The following ZNF438 variants were observed in gnomAD, a reference collection of about 807,000 sequenced individuals.
The protein encoded by ZNF438 is zinc finger protein 438.
ZNF438 carries 25 observed loss-of-function variants against 38.0 expected under a neutral mutation model. That is an observed-to-expected ratio of 0.66 (90% CI 0.48 to 0.92). ZNF438 has a LOEUF of 0.92. Ranked by LOEUF, ZNF438 falls within the 40% of genes least tolerant of loss-of-function variation. The pLI is 0.00. For synonymous variants in ZNF438, 372 were observed against 364.1 expected, an observed-to-expected ratio of 1.02 and a Z score of -0.25; for missense variants, 1,007 against 999.6, an observed-to-expected ratio of 1.01 and a Z score of -0.10.
chr10:30,912,896 C>T (rs2043224173), intron 2 of ZNF438, among the ~76,000 whole-genome samples: 1 of 152,216 alleles, frequency 6.6e-6, no homozygotes, highest in South Asian at 2.1e-4. Context: ...GGAATTCCCT[C>T]GCTGTCTAAA....
At chr10:30,923,424 A>G (rs1012449427) in intron 2 of ZNF438, 3 of 152,180 alleles carry the variant, frequency 2.0e-5, no homozygotes, top group African/African-American at 7.2e-5. Context: ...TTCTAAATGC[A>G]TAATTTTAGA....
intron 1 of ZNF438, among the ~76,000 whole-genome samples, chr10:31,024,553 G>A (rs1369765100): frequency 2.6e-5 from 4 of 152,252 alleles, no homozygotes; most frequent in Middle Eastern, 3.4e-3. Context: ...GCGTGAACCC[G>A]GGAGGCGGAG....
intron 2 of ZNF438, among the ~76,000 whole-genome samples, chr10:30,916,383 A>C (rs1307122226): frequency 6.6e-6 from 1 of 152,102 alleles, no homozygotes; most frequent in East Asian, 1.9e-4. Flanking sequence ...CAAATGTGCA[A>C]GTTATAAATA....
intron 1 of ZNF438, among the ~76,000 whole-genome samples, chr10:30,948,286 C>T (rs567644425): frequency 1.3e-5 from 2 of 152,074 alleles, no homozygotes; most frequent in Non-Finnish European, 2.9e-5. Context: ...TAGATAAAAC[C>T]ACAAAGATGG....
At chr10:30,895,048 A>T (rs958437367) in intron 3 of ZNF438, among the ~76,000 whole-genome samples, 3 of 152,262 alleles carry the variant, frequency 2.0e-5, no homozygotes, top group African/African-American at 7.2e-5. Context: ...ATTAACACAT[A>T]GGAAAGATGA....
At chr10:30,965,503 G>C (rs966429322) in intron 1 of ZNF438, among the ~76,000 whole-genome samples, 28 of 152,110 alleles carry the variant, frequency 1.8e-4, no homozygotes, top group Non-Finnish European at 3.8e-4. Flanking sequence ...ATGTACAATA[G>C]CAAAGACATG....
At chr10:30,929,721 A>T (rs2135234126) in intron 2 of ZNF438, among the ~76,000 whole-genome samples, 1 of 152,258 alleles carries the variant, frequency 6.6e-6, no homozygotes, top group South Asian at 2.1e-4. Context: ...CAGGGTGCTG[A>T]TTGGTGTGTT....
chr10:31,015,906 T>C (rs2056156404), intron 1 of ZNF438, among the ~76,000 whole-genome samples: 2 of 152,174 alleles, frequency 1.3e-5, no homozygotes, highest in South Asian at 2.1e-4. Context: ...CCTCTCCTTA[T>C]AGGGGCACCA....
At chr10:30,975,752 A>G (rs2051267572) in intron 1 of ZNF438, among the ~76,000 whole-genome samples, 1 of 152,228 alleles carries the variant, frequency 6.6e-6, no homozygotes, top group African/African-American at 2.4e-5. Context: ...AATAAGTAAT[A>G]GGATATCAGA....
intron 4 of ZNF438, among the ~76,000 whole-genome samples, chr10:30,868,768 T>A (rs1156248212): frequency 6.6e-6 from 1 of 152,238 alleles, no homozygotes; most frequent in Non-Finnish European, 1.5e-5. Flanking sequence ...GATGTTTCCA[T>A]CCTTGTGTTC....
chr10:30,896,295 CA>C (rs56673889), intron 3 of ZNF438, among the ~76,000 whole-genome samples: 27 of 107,056 alleles, frequency 2.5e-4, no homozygotes, highest in East Asian at 8.9e-4. Flanking sequence ...GACTCCATCT[CA>C]AAAAAAAAAA....
intron 2 of ZNF438, among the ~76,000 whole-genome samples, chr10:30,913,243 T>C (rs2043258542): frequency 6.6e-6 from 1 of 152,064 alleles, no homozygotes; most frequent in Non-Finnish European, 1.5e-5. Flanking sequence ...TTATTAAATA[T>C]GACCTAAAAA....
At chr10:30,921,896 C>G (rs1227481505) in intron 2 of ZNF438, among the ~76,000 whole-genome samples, 1 of 152,210 alleles carries the variant, frequency 6.6e-6, no homozygotes, top group African/African-American at 2.4e-5. Context: ...TCTCTTCTCA[C>G]TTCACAAAAG....
chr10:30,924,520 G>A (rs1261523251), intron 2 of ZNF438, among the ~76,000 whole-genome samples: 1 of 152,160 alleles, frequency 6.6e-6, no homozygotes, highest in Non-Finnish European at 1.5e-5. Flanking sequence ...CCTGAGAAAG[G>A]AACTCAGATA....
chr10:30,897,950 A>G (rs1325813116), intron 3 of ZNF438, among the ~76,000 whole-genome samples: 8 of 152,324 alleles, frequency 5.3e-5, no homozygotes, highest in Non-Finnish European at 1.0e-4. Flanking sequence ...CAAATGGGAA[A>G]TCTGTTACCA....
chr10:30,884,112 T>C (rs1235650258), intron 3 of ZNF438, among the ~76,000 whole-genome samples: 1 of 150,772 alleles, frequency 6.6e-6, no homozygotes, highest in African/African-American at 2.5e-5. Flanking sequence ...TTCATTGTTT[T>C]GAAATACTAT....
At chr10:30,882,657 A>T (rs2039422042) in intron 3 of ZNF438, among the ~76,000 whole-genome samples, 1 of 152,218 alleles carries the variant, frequency 6.6e-6, no homozygotes, top group Admixed American at 6.5e-5. Flanking sequence ...CAGAAAGCAG[A>T]TCAATGGTTG....
intron 1 of ZNF438, among the ~76,000 whole-genome samples, chr10:31,017,341 C>T (rs188742987): frequency 3.3e-5 from 5 of 152,306 alleles, no homozygotes; most frequent in African/African-American, 1.2e-4. Flanking sequence ...ATGAAACAAA[C>T]TTGGAAGAGT....
At chr10:30,884,283 A>G (rs909341018) in intron 3 of ZNF438, among the ~76,000 whole-genome samples, 1 of 152,180 alleles carries the variant, frequency 6.6e-6, no homozygotes, top group African/African-American at 2.4e-5. Flanking sequence ...AATAAGTTAT[A>G]TAATAAATAT....
Sources: gnomAD v4.1 joint callset for allele counts (sites outside exome capture counted in the v4.1 genomes callset) on GRCh38, gnomAD v4.1.1 for gene constraint, MANE v1.5 for transcripts, NCBI Gene and HGNC (gene_info 2026-07-23, HGNC 2026-07-21) for gene names.